Variants in OTOA observed in about 807,000 individuals in gnomAD.
OTOA encodes the protein cancer/testis antigen 108.
A neutral mutation model predicts 110.8 loss-of-function variants in OTOA; 70 were observed. That is an observed-to-expected ratio of 0.63 (90% CI 0.52 to 0.77). The LOEUF (loss-of-function observed/expected upper bound fraction) is 0.77. Among genes scored for constraint, OTOA ranks in the 30% least tolerant of loss-of-function variants. The pLI, the probability that OTOA is intolerant of heterozygous loss-of-function variation, is 0.00. For missense variants in OTOA, 917 were observed against 1,075.8 expected (o/e 0.85, Z 2.06); for synonymous variants, 373 against 431.5 (o/e 0.86, Z 1.68).
chr16:21,668,737 C>T (rs1421531994), intron 1 of OTOA, among the ~76,000 whole-genome samples: 1 of 151,490 alleles, frequency 6.6e-6, no homozygotes. Flanking sequence ...GCTGGGATTA[C>T]AGGTGTGAGC....
At chr16:21,735,591 CA>C (rs1360790273) in intron 21 of OTOA, among the ~76,000 whole-genome samples, 2 of 151,978 alleles carry the variant, frequency 1.3e-5, no homozygotes, top group African/African-American at 4.8e-5. Flanking sequence ...GGTACACATA[CA>C]TTTTTTTTGT....
chr16:21,722,764 T>G, intron 17 of OTOA, 141 bp from the exon 18 acceptor site: 3 of 743,686 alleles, frequency 4.0e-6, no homozygotes, highest in Non-Finnish European at 7.3e-6. Context: ...CTGGGCACAG[T>G]AGTGGTACTT....
chr16:21,691,383 A>G (rs1897825996), intron 8 of OTOA, among the ~76,000 whole-genome samples: 1 of 152,192 alleles, frequency 6.6e-6, no homozygotes, highest in Non-Finnish European at 1.5e-5. Flanking sequence ...TTCTTGAGGA[A>G]TCACCACGCT....
chr16:21,697,957 C>A, intron 10 of OTOA, 82 bp downstream of exon 10: 1 of 1,258,910 alleles, frequency 7.9e-7, no homozygotes, highest in Non-Finnish European at 1.2e-6. Flanking sequence ...AATGTTCATC[C>A]AGCCAGTCAA....
At chr16:21,672,136 A>T (rs1448063329) in intron 1 of OTOA, among the ~76,000 whole-genome samples, 1 of 152,082 alleles carries the variant, frequency 6.6e-6, no homozygotes, top group Non-Finnish European at 1.5e-5. Flanking sequence ...TAGATAACTT[A>T]GAGTTTCACA....
At chr16:21,721,068 C>T (rs1054940553) in intron 17 of OTOA, among the ~76,000 whole-genome samples, 1 of 151,638 alleles carries the variant, frequency 6.6e-6, no homozygotes, top group African/African-American at 2.4e-5. Flanking sequence ...GTGCGCACCA[C>T]CACACCTGGC....
At position 21,703,240 on chromosome 16, in the gene OTOA, C is replaced by T. The variant is rs74462912; in HGVS notation, c.981-1929C>T. ...TTCCTATTTAACTGAAACATTGTGT[C>T]CTTTGTCCAAGTCTCTCCAACTCCC... On this transcript the variant is annotated intron_variant, in intron 11 of 28. Transcript: ENST00000646100. 5.2e-3 allele frequency among the ~76,000 whole-genome samples: 791 copies of T among 152,234 alleles called. 8 individuals are homozygous for T. Among genetic ancestry groups the T allele is most frequent in the African/African-American group, 0.018 (763 of 41,526 alleles).
At chr16:21,678,890 T>C in intron 2 of OTOA, 25 bp from the exon 3 acceptor site, 6 of 1,611,294 alleles carry the variant, frequency 3.7e-6, no homozygotes, top group Non-Finnish European at 5.1e-6. Flanking sequence ...CAATTCTAGT[T>C]ATACATTCAA....
chr16:21,722,292 G>A (rs2141710034), intron 17 of OTOA, among the ~76,000 whole-genome samples: 1 of 148,804 alleles, frequency 6.7e-6, no homozygotes, highest in African/African-American at 2.5e-5. Flanking sequence ...ACACAAGTGA[G>A]CTCATACTAT....
chr16:21,683,028 A>C (rs1453583411), intron 6 of OTOA, among the ~76,000 whole-genome samples: 2 of 152,196 alleles, frequency 1.3e-5, no homozygotes, highest in Non-Finnish European at 2.9e-5. Context: ...TATCCACTTT[A>C]ATCTGATACG....
chr16:21,701,140 CTT>C, intron 11 of OTOA, 113 bp downstream of exon 11: 1 of 1,471,538 alleles, frequency 6.8e-7, no homozygotes, highest in Non-Finnish European at 9.4e-7. Flanking sequence ...TGGTCCATCT[CTT>C]TGAATAGTCC....
At chr16:21,732,116 C>G (rs1398437579) in intron 21 of OTOA, among the ~76,000 whole-genome samples, 6 of 151,946 alleles carry the variant, frequency 3.9e-5, no homozygotes, top group African/African-American at 7.2e-5. Context: ...CAGGCCCCTG[C>G]CACTATGCCC....
At chr16:21,692,927 C>A (rs374598586) in intron 9 of OTOA, among the ~76,000 whole-genome samples, 463 of 97,018 alleles carry the variant, frequency 4.8e-3, no homozygotes, top group Middle Eastern at 6.7e-3. Context: ...GACTCTGTCT[C>A]AAAAAAAAAA....
At chr16:21,675,386 G>A (rs1966855889) in intron 1 of OTOA, among the ~76,000 whole-genome samples, 1 of 135,562 alleles carries the variant, frequency 7.4e-6, no homozygotes, top group South Asian at 2.3e-4. Context: ...TGAACTCTTG[G>A]CCTCAAGTGA....
rs750035094 is a variant in OTOA at position 21,681,723 on chromosome 16, T to C, written c.180-15T>C. On this transcript the variant is annotated splice_polypyrimidine_tract_variant and intron_variant, in intron 5 of 28. Coordinates refer to ENST00000646100, the MANE Select transcript of OTOA (RefSeq NM_144672.4). ...TCTGTCATTGTGATCTTTTCCTGTC[T>C]GTCTTCAACTGAAGCTCCCACGTGT... The C allele has an allele frequency of 2.5e-5, 40 of 1,603,070 alleles. No individual in the cohort carries two copies. Among genetic ancestry groups the C allele is most frequent in the Admixed American group, 6.7e-5 (4 of 59,974 alleles).
At chr16:21,707,019 A>G (rs1317672298) in intron 12 of OTOA, among the ~76,000 whole-genome samples, 4 of 151,904 alleles carry the variant, frequency 2.6e-5, no homozygotes, top group East Asian at 3.9e-4. Context: ...GCATGCCACC[A>G]TGCCCGGCTA....
At chr16:21,724,030 A>G (rs1898840471) in intron 18 of OTOA, among the ~76,000 whole-genome samples, 1 of 152,122 alleles carries the variant, frequency 6.6e-6, no homozygotes, top group Non-Finnish European at 1.5e-5. Flanking sequence ...AAGGACTTAG[A>G]GTGAGGGAGA....
At chr16:21,760,388 C>T (rs1900130643) in intron 28 of OTOA, 82 bp from the exon 29 acceptor site, 2 of 1,137,254 alleles carry the variant, frequency 1.8e-6, no homozygotes, top group Admixed American at 3.7e-5. Context: ...CAGAGAGAGA[C>T]TCGGGGAGTT....
Position 21,730,710 on chromosome 16 carries a change from G to A in OTOA, c.2208-127G>A. ...CATGCCAATTTTCTTGGTCAAGGAAGTGGGACCATGTGATTGACATGAGTA... is the reference window on the plus strand; with the variant it reads ...CATGCCAATTTTCTTGGTCAAGGAAATGGGACCATGTGATTGACATGAGTA... On this transcript the variant is annotated intron_variant, in intron 20 of 28. Coordinates refer to ENST00000646100, the MANE Select transcript of OTOA (RefSeq NM_144672.4). The A allele has an allele frequency of 4.0e-6, 3 of 751,354 alleles. 1 individual carries two copies. In the Admixed American group the frequency reaches 6.2e-5, roughly 16 times the overall value. The allele number at this position is 751,354 out of a possible 1,614,324, so 46.5% of individuals were successfully genotyped here.
Sources: gnomAD v4.1 joint callset for allele counts (sites outside exome capture counted in the v4.1 genomes callset) on GRCh38, gnomAD v4.1.1 for gene constraint, MANE v1.5 for transcripts, NCBI Gene and HGNC (gene_info 2026-07-23, HGNC 2026-07-21) for gene names.